The following OXCT1 variants were observed in gnomAD, a reference collection of about 807,000 sequenced individuals.
OXCT1 encodes the protein 3-oxoacid CoA-transferase 1, also known as succinyl-CoA:3-ketoacid coenzyme A transferase 1, mitochondrial.
A neutral mutation model predicts 69.6 loss-of-function variants in OXCT1; 27 were observed. The ratio of observed to expected loss-of-function variants is 0.39; its 90% CI spans 0.29 to 0.54. OXCT1 has a LOEUF of 0.54. Among genes scored for constraint, OXCT1 ranks in the 20% least tolerant of loss-of-function variants. The pLI is 0.72. For missense variants in OXCT1, 437 were observed against 650.2 expected, an observed-to-expected ratio of 0.67 and a Z score of 3.57; for synonymous variants, 202 against 217.8, an observed-to-expected ratio of 0.93 and a Z score of 0.64.
At chr5:41,756,799 A>ACTTC (rs2112081160) in intron 14 of OXCT1, among the ~76,000 whole-genome samples, 1 of 152,200 alleles carries the variant, frequency 6.6e-6, no homozygotes, top group African/African-American at 2.4e-5. Flanking sequence ...AGTCTGAGTG[A>ACTTC]AGTGAGGCAG....
At chr5:41,833,599 G>T (rs1276105710) in intron 7 of OXCT1, among the ~76,000 whole-genome samples, 1 of 150,070 alleles carries the variant, frequency 6.7e-6, no homozygotes, top group Non-Finnish European at 1.5e-5. Context: ...GTAATAATAA[G>T]CACACATAGA....
At chr5:41,827,633 C>T (rs1747870825) in intron 7 of OXCT1, among the ~76,000 whole-genome samples, 1 of 152,192 alleles carries the variant, frequency 6.6e-6, no homozygotes, top group African/African-American at 2.4e-5. Flanking sequence ...CCATTCATCA[C>T]TAACCTTGGC....
intron 8 of OXCT1, among the ~76,000 whole-genome samples, chr5:41,806,554 A>T (rs953449946): frequency 2.4e-4 from 37 of 152,048 alleles, no homozygotes; most frequent in African/African-American, 6.8e-4. Context: ...TCCCTTGGAA[A>T]TGCAGGAGTT....
At chr5:41,743,776 G>T (rs1479450579) in intron 15 of OXCT1, among the ~76,000 whole-genome samples, 1 of 152,176 alleles carries the variant, frequency 6.6e-6, no homozygotes, top group Admixed American at 6.5e-5. Context: ...GTTTGTCAAA[G>T]ATCAGATAGT....
intron 7 of OXCT1, among the ~76,000 whole-genome samples, chr5:41,836,157 C>T (rs957148521): frequency 6.6e-6 from 1 of 152,172 alleles, no homozygotes; most frequent in African/African-American, 2.4e-5. Context: ...GAGTCATTCC[C>T]TGGCTGGTTT....
intron 13 of OXCT1, among the ~76,000 whole-genome samples, chr5:41,768,071 G>A (rs1744703889): frequency 1.3e-5 from 2 of 152,018 alleles, no homozygotes; most frequent in Admixed American, 1.3e-4. Context: ...GCAAGTTTCA[G>A]ACTTCGATAT....
At chr5:41,750,245 C>A (rs1173958448) in intron 14 of OXCT1, among the ~76,000 whole-genome samples, 1 of 142,944 alleles carries the variant, frequency 7.0e-6, no homozygotes, top group Non-Finnish European at 1.5e-5. Context: ...CTTGATTAAT[C>A]AATTTTAAAC....
intron 5 of OXCT1, among the ~76,000 whole-genome samples, chr5:41,847,268 T>A (rs937355080): frequency 4.6e-5 from 7 of 152,056 alleles, no homozygotes; most frequent in East Asian, 1.9e-4. Flanking sequence ...TAACAGGATC[T>A]GAAATTGTGG....
Position 41,842,758 on chromosome 5 carries a change from G to A in OXCT1, c.588C>T (p.His196=). 1.2e-6 allele frequency: 2 copies of A among 1,613,472 alleles called. No individual in the cohort carries two copies. Among genetic ancestry groups the A allele is most frequent in the Non-Finnish European group, 1.7e-6 (2 of 1,179,486 alleles). ...PREVREFNGQ[H]FILEEAITGD... ...CTGTAATTGCTTCCTCCAAAATAAAGTGCTGACCATTGAACTCCCTCACCT... is the reference window on the plus strand; with the variant it reads ...CTGTAATTGCTTCCTCCAAAATAAAATGCTGACCATTGAACTCCCTCACCT... Residue 196 remains histidine (H), a synonymous_variant, in exon 6 of 17, where the codon CAC becomes CAT. Coordinates refer to ENST00000196371, the MANE Select transcript of OXCT1 (RefSeq NM_000436.4).
chr5:41,830,843 A>G (rs1359934204), intron 7 of OXCT1, among the ~76,000 whole-genome samples: 1 of 152,232 alleles, frequency 6.6e-6, no homozygotes. Flanking sequence ...AGAAGGAATT[A>G]TGCTTACTCT....
In OXCT1 at chr5:41,759,522, T is replaced by C. The variant is rs10512794; in HGVS notation, c.1338+2589A>G. On this transcript the variant is annotated intron_variant, in intron 14 of 16. Coordinates refer to ENST00000196371, the MANE Select transcript of OXCT1 (RefSeq NM_000436.4). Reference sequence around the variant, plus strand: ...TGAAAATCAAGTTACAATGCCAGTCTGACCCGTGTGCCTGACATACGTTGC... The same window carrying C: ...TGAAAATCAAGTTACAATGCCAGTCCGACCCGTGTGCCTGACATACGTTGC... Among the ~76,000 whole-genome samples the C allele has an allele frequency of 5.6e-3, 857 of 152,212 alleles. 5 individuals are homozygous for C. Among genetic ancestry groups the C allele is most frequent in the Non-Finnish European group, 0.01 (683 of 67,992 alleles).
At chr5:41,823,614 T>C (rs943268238) in intron 7 of OXCT1, among the ~76,000 whole-genome samples, 2 of 152,202 alleles carry the variant, frequency 1.3e-5, no homozygotes, top group Admixed American at 1.3e-4. Flanking sequence ...CTAAGAATAA[T>C]TGTTGATTTT....
chr5:41,775,715 T>C (rs182328633), intron 13 of OXCT1, among the ~76,000 whole-genome samples: 2 of 152,268 alleles, frequency 1.3e-5, no homozygotes, highest in East Asian at 1.9e-4. Context: ...CAGCTCCATA[T>C]TGAAGCTACT....
At chr5:41,856,230 A>C (rs1446303418) in intron 3 of OXCT1, among the ~76,000 whole-genome samples, 2 of 152,190 alleles carry the variant, frequency 1.3e-5, no homozygotes, top group Admixed American at 6.5e-5. Context: ...TGGGAATGGG[A>C]ATGGAGAAGG....
At chr5:41,774,726 T>A (rs1745041886) in intron 13 of OXCT1, among the ~76,000 whole-genome samples, 1 of 152,008 alleles carries the variant, frequency 6.6e-6, no homozygotes, top group South Asian at 2.1e-4. Context: ...AAACCCCATC[T>A]CTACTCAAAA....
At chr5:41,779,435 T>C (rs1745288868) in intron 13 of OXCT1, among the ~76,000 whole-genome samples, 1 of 152,192 alleles carries the variant, frequency 6.6e-6, no homozygotes, top group Non-Finnish European at 1.5e-5. Context: ...ATGGCTCCCA[T>C]ACTGTACAAG....
chr5:41,791,923 C>T (rs1198898339), intron 13 of OXCT1, among the ~76,000 whole-genome samples: 1 of 152,182 alleles, frequency 6.6e-6, no homozygotes, highest in East Asian at 1.9e-4. Flanking sequence ...CCTGCCTCAG[C>T]CTCTCGAGTA....
chr5:41,862,025 A>G (rs1384918787), intron 2 of OXCT1, among the ~76,000 whole-genome samples: 1 of 152,208 alleles, frequency 6.6e-6, no homozygotes, highest in Non-Finnish European at 1.5e-5. Flanking sequence ...AGACTGGCCA[A>G]CATGGTGAAA....
intron 7 of OXCT1, among the ~76,000 whole-genome samples, chr5:41,809,640 T>TA (rs1746865143): frequency 1.3e-5 from 2 of 149,204 alleles, no homozygotes; most frequent in Admixed American, 6.6e-5. Context: ...AAGAACATAA[T>TA]AAAAAAGGAA....
Sources: allele counts gnomAD v4.1 joint callset (sites outside exome capture counted in the v4.1 genomes callset), GRCh38; gene constraint gnomAD v4.1.1; transcripts MANE v1.5; gene names NCBI Gene and HGNC (gene_info 2026-07-23, HGNC 2026-07-21).